Variants in GRIK2 observed in about 807,000 individuals in gnomAD.
GRIK2 encodes the protein glutamate ionotropic receptor kainate type subunit 2, also known as glutamate receptor ionotropic, kainate 2.
Under a neutral mutation model 100.3 loss-of-function variants are expected in GRIK2, and 32 were observed. The ratio of observed to expected loss-of-function variants is 0.32; its 90% confidence interval spans 0.24 to 0.43. The LOEUF (loss-of-function observed/expected upper bound fraction) is 0.43. Among genes scored for constraint, GRIK2 ranks in the 20% least tolerant of loss-of-function variants. The pLI is 1.00. For missense variants in GRIK2, 843 were observed against 1,114.9 expected, an observed-to-expected ratio of 0.76 and a Z score of 3.47; for synonymous variants, 417 against 389.4, an observed-to-expected ratio of 1.07 and a Z score of -0.83.
chr6:101,709,293 A>C (rs1773546823), intron 7 of GRIK2, among the ~76,000 whole-genome samples: 1 of 151,772 alleles, frequency 6.6e-6, no homozygotes. Context: ...TCTTGCCTCC[A>C]GACCTGAGAA....
intron 12 of GRIK2, among the ~76,000 whole-genome samples, chr6:101,916,920 A>G (rs1284873162): frequency 1.3e-5 from 2 of 151,610 alleles, no homozygotes; most frequent in Non-Finnish European, 1.5e-5. Flanking sequence ...AGTCGCAGGC[A>G]AGTCTGCTTT....
rs200852528 is a variant in GRIK2, at chr6:101,949,173, TTTG to T, written c.2085+20555_2085+20557del. Among the ~76,000 whole-genome samples, 1,310 of 151,936 alleles carry T rather than the reference TTTG, an allele frequency of 8.6e-3. 18 individuals are homozygous for T. Among genetic ancestry groups the T allele is most frequent in the African/African-American group, 0.03 (1,260 of 41,398 alleles). ...GATGGAAAGGGAGAATAAGAGAGCT[TTTG>T]TTGTTGTTGTTGTGTTTTTGCGATT... On this transcript the variant is annotated intron_variant, in intron 14 of 16. Coordinates refer to ENST00000369134, the MANE Select transcript of GRIK2 (RefSeq NM_021956.5).
At chr6:101,750,075 A>G (rs1776692200) in intron 7 of GRIK2, among the ~76,000 whole-genome samples, 1 of 151,644 alleles carries the variant, frequency 6.6e-6, no homozygotes. Context: ...TAGGCCTCCC[A>G]AGGTGCTAGG....
intron 7 of GRIK2, among the ~76,000 whole-genome samples, chr6:101,747,850 A>G (rs1776517465): frequency 6.6e-6 from 1 of 151,598 alleles, no homozygotes; most frequent in Non-Finnish European, 1.5e-5. Flanking sequence ...ACTGCAAAAC[A>G]GACTTTATCT....
chr6:102,064,189 T>C (rs1390674661), intron 16 of GRIK2: 7 of 490,092 alleles, frequency 1.4e-5, no homozygotes, highest in Non-Finnish European at 2.6e-5. Context: ...TAAATAGTGA[T>C]TTTAAAAGCA....
chr6:101,831,834 C>G (rs1024098372), intron 10 of GRIK2, among the ~76,000 whole-genome samples: 3 of 151,916 alleles, frequency 2.0e-5, no homozygotes, highest in Non-Finnish European at 4.4e-5. Context: ...AAATATATGA[C>G]CCCTTTCCAA....
chr6:101,440,183 G>C (rs973344796), intron 2 of GRIK2, among the ~76,000 whole-genome samples: 1 of 152,014 alleles, frequency 6.6e-6, no homozygotes, highest in Non-Finnish European at 1.5e-5. Context: ...GCTTGAAAAA[G>C]AATCTACTAA....
chr6:101,621,902 A>G, intron 2 of GRIK2, 47 bp from the exon 3 acceptor site: 2 of 1,292,340 alleles, frequency 1.5e-6, no homozygotes, highest in South Asian at 2.4e-5. Context: ...TGTGAAAATT[A>G]TGTTTATTCT....
intron 4 of GRIK2, among the ~76,000 whole-genome samples, chr6:101,664,060 C>CA (rs1562294592): frequency 6.6e-6 from 1 of 152,150 alleles, no homozygotes; most frequent in Non-Finnish European, 1.5e-5. Flanking sequence ...AACAGAGAAA[C>CA]AAAGAATTCC....
At chr6:102,029,189 C>T (rs1287189693) in intron 14 of GRIK2, among the ~76,000 whole-genome samples, 1 of 151,040 alleles carries the variant, frequency 6.6e-6, no homozygotes, top group Non-Finnish European at 1.5e-5. Flanking sequence ...AGACTGTGGA[C>T]ATTTTGGCTG....
intron 12 of GRIK2, among the ~76,000 whole-genome samples, chr6:101,907,440 A>G (rs1191730238): frequency 6.6e-6 from 1 of 151,756 alleles, no homozygotes; most frequent in African/African-American, 2.4e-5. Context: ...GCTTGAATGA[A>G]GAAGCTGAAA....
At chr6:101,423,741 C>A (rs765308365) in intron 2 of GRIK2, among the ~76,000 whole-genome samples, 60 of 146,942 alleles carry the variant, frequency 4.1e-4, no homozygotes, top group Non-Finnish European at 6.4e-4. Flanking sequence ...GTCAATCCAA[C>A]TTCCAAGCAT....
At chr6:101,649,128 C>A (rs1781667382) in intron 4 of GRIK2, among the ~76,000 whole-genome samples, 1 of 152,068 alleles carries the variant, frequency 6.6e-6, no homozygotes, top group Non-Finnish European at 1.5e-5. Flanking sequence ...GTTCTGAGTA[C>A]TTACCAGAAT....
intron 1 of GRIK2, among the ~76,000 whole-genome samples, chr6:101,397,930 AT>A (rs936113182): frequency 2.0e-5 from 3 of 152,036 alleles, no homozygotes; most frequent in Non-Finnish European, 2.9e-5. Context: ...AAAATTGTAT[AT>A]TTTTAATAAA....
chr6:101,972,198 T>C (rs1793093732), intron 14 of GRIK2, among the ~76,000 whole-genome samples: 1 of 151,892 alleles, frequency 6.6e-6, no homozygotes, highest in African/African-American at 2.4e-5. Flanking sequence ...GGCTGAAATA[T>C]TAATAATTTA....
chr6:101,601,992 A>G (rs1387594591), intron 2 of GRIK2, among the ~76,000 whole-genome samples: 1 of 151,598 alleles, frequency 6.6e-6, no homozygotes, highest in African/African-American at 2.4e-5. Flanking sequence ...TTGTTTTTCT[A>G]TTATCCCTAG....
At chr6:101,510,130 A>T (rs1428764245) in intron 2 of GRIK2, among the ~76,000 whole-genome samples, 1 of 152,190 alleles carries the variant, frequency 6.6e-6, no homozygotes, top group Non-Finnish European at 1.5e-5. Flanking sequence ...CATTTCAATG[A>T]CATTAAAGTG....
Position 101,909,375 on chromosome 6 carries a change from T to TTTTTTTTTG in GRIK2, c.1749-15226_1749-15225insTTTTTTTTG, listed in dbSNP as rs1562480881. Among the ~76,000 whole-genome samples the TTTTTTTTTG allele has an allele frequency of 5.9e-5, 7 of 117,916 alleles. No homozygotes were observed. The East Asian group carries it at 1.6e-3, about 28-fold the overall frequency. The allele number at this position is 117,916 out of a possible 152,430, so 77.4% of individuals were successfully genotyped here. A position where few individuals can be genotyped will look rare whatever the true frequency, so the allele number is the denominator to read the frequency against. On this transcript the variant is annotated intron_variant, in intron 12 of 16. Coordinates refer to ENST00000369134, the MANE Select transcript of GRIK2 (RefSeq NM_021956.5). ...TGGATGCTGAAGGAAGATAGGGTTTTCTTTTTCTTTTTTTTTTTTTTAAAG... is the reference window on the plus strand; with the variant it reads ...TGGATGCTGAAGGAAGATAGGGTTTTTTTTTTTTGCTTTTTCTTTTTTTTTTTTTTAAAG...
intron 4 of GRIK2, among the ~76,000 whole-genome samples, chr6:101,674,653 G>A (rs1770695574): frequency 6.6e-6 from 1 of 152,140 alleles, no homozygotes; most frequent in Non-Finnish European, 1.5e-5. Flanking sequence ...ATTGTAGTAT[G>A]TTTAATGGAT....
Sources: allele counts gnomAD v4.1 joint callset (sites outside exome capture counted in the v4.1 genomes callset), GRCh38; gene constraint gnomAD v4.1.1; transcripts MANE v1.5; gene names NCBI Gene and HGNC (gene_info 2026-07-23, HGNC 2026-07-21).